COG6: variants seen among roughly 807,000 people sequenced by gnomAD.
COG6 encodes the protein component of oligomeric golgi complex 6, also known as conserved oligomeric Golgi complex subunit 6.
A neutral mutation model predicts 88.8 loss-of-function variants in COG6; 74 were observed. That is an observed-to-expected ratio of 0.83 (90% CI 0.69 to 1.01). The LOEUF (loss-of-function observed/expected upper bound fraction) is 1.01. Among genes scored for constraint, COG6 ranks in the 50% least tolerant of loss-of-function variants. The probability of loss-of-function intolerance (pLI) is 0.00; values close to 1 mark genes in which losing one functional copy is unlikely to be tolerated. For synonymous variants in COG6, 286 were observed against 278.7 expected, an observed-to-expected ratio of 1.03 and a Z score of -0.26; for missense variants, 800 against 797.9, an observed-to-expected ratio of 1.00 and a Z score of -0.03.
chr13:39,779,691 G>A (rs955264853), intron 18 of COG6, among the ~76,000 whole-genome samples: 4 of 152,094 alleles, frequency 2.6e-5, no homozygotes, highest in African/African-American at 4.8e-5. Flanking sequence ...GATTCTTAAC[G>A]TGGCTTCATT....
chr13:39,790,182 T>A (rs1252364885), exon 19 of COG6: 1 of 152,226 alleles, frequency 6.6e-6, no homozygotes, highest in Non-Finnish European at 1.5e-5. Flanking sequence ...GGTTTGAAGT[T>A]TATCTCCTTT....
rs1053673697 is a variant in COG6, at chr13:39,751,731, C to T, written c.*638C>T. 5.4e-6 allele frequency: 7 copies of T among 1,286,534 alleles called. No homozygotes were observed. In the African/African-American group the frequency reaches 1.1e-4, roughly 20 times the overall value. The allele number at this position is 1,286,534 out of a possible 1,614,324, so 79.7% of individuals were successfully genotyped here. ...TCTTATGCAATTTTAAGTATACACT[C>T]AGCAATAATTAGAAAAAAAGGAGAG... On this transcript the variant is annotated 3_prime_UTR_variant, in exon 19 of 19. Coordinates refer to ENST00000455146, the MANE Select transcript of COG6 (RefSeq NM_020751.3).
chr13:39,757,957 C>T (rs1880892293), intron 18 of COG6, among the ~76,000 whole-genome samples: 2 of 152,170 alleles, frequency 1.3e-5, no homozygotes, highest in African/African-American at 4.8e-5. Context: ...CACAGTGGCT[C>T]ATGCCTGTAA....
intron 13 of COG6, among the ~76,000 whole-genome samples, chr13:39,713,549 C>T (rs1024991190): frequency 6.6e-6 from 1 of 152,106 alleles, no homozygotes; most frequent in Non-Finnish European, 1.5e-5. Flanking sequence ...TCCTGGCTAA[C>T]AAGGTGAAAC....
intron 18 of COG6, among the ~76,000 whole-genome samples, chr13:39,778,965 C>T (rs561730228): frequency 6.6e-6 from 1 of 152,188 alleles, no homozygotes; most frequent in South Asian, 2.1e-4. Flanking sequence ...CCCTCACTTC[C>T]ACCATATGCT....
chr13:39,758,242 ATG>A lies in COG6; in HGVS notation c.1827-30092_1827-30091del, dbSNP rs1332688169. On this transcript the variant is annotated intron_variant, in intron 18 of 18. Transcript: ENST00000416691. ...TCAAAAAAAAAAAAAAAAAAAAAAA[ATG>A]ACGAGCTGGACGCGGTGGCTCATGC... 1.9e-3 allele frequency among the ~76,000 whole-genome samples: 271 copies of A among 142,478 alleles called. 1 individual carries two copies. The highest frequency in any genetic ancestry group is 6.8e-3 in the African/African-American group (254 of 37,450). The allele number at this position is 142,478 out of a possible 152,430, so 93.5% of individuals were successfully genotyped here.
At chr13:39,781,345 T>C (rs1304014615) in intron 18 of COG6, among the ~76,000 whole-genome samples, 10 of 152,160 alleles carry the variant, frequency 6.6e-5, no homozygotes, top group Non-Finnish European at 1.3e-4. Context: ...GTTGACAGGT[T>C]AGAGAAGAGA....
chr13:39,755,940 A>G (rs1284822687), downstream of COG6, among the ~76,000 whole-genome samples: 1 of 152,222 alleles, frequency 6.6e-6, no homozygotes, highest in Non-Finnish European at 1.5e-5. Flanking sequence ...AAATATAATC[A>G]CAGCTATAAA....
At chr13:39,673,331 A>C (rs1289280114) in intron 4 of COG6, among the ~76,000 whole-genome samples, 1 of 151,994 alleles carries the variant, frequency 6.6e-6, no homozygotes, top group Non-Finnish European at 1.5e-5. Context: ...ACTAAGATAA[A>C]AATTTAGAAA....
intron 13 of COG6, among the ~76,000 whole-genome samples, chr13:39,709,478 CTAT>C (rs959251774): frequency 4.6e-5 from 6 of 131,088 alleles, no homozygotes; most frequent in Non-Finnish European, 8.0e-5. Flanking sequence ...TCTCCATTGT[CTAT>C]TATTCTACTC....
Position 39,751,272 on chromosome 13 carries a change from TG to T in COG6, c.*180del. Reference sequence around the variant, plus strand: ...AGTAACAGGGAAGTAAGTAACATGTTGACCTGAGCTAGTATTGCTGTGTATC... The same window carrying T: ...AGTAACAGGGAAGTAAGTAACATGTTACCTGAGCTAGTATTGCTGTGTATC... On this transcript the variant is annotated 3_prime_UTR_variant, in exon 19 of 19. Coordinates refer to ENST00000455146, the MANE Select transcript of COG6 (RefSeq NM_020751.3). 1 of 1,514,892 alleles carries T rather than the reference TG, an allele frequency of 6.6e-7. No individual in the cohort carries two copies. Among genetic ancestry groups the T allele is most frequent in the African/African-American group, 1.4e-5 (1 of 72,606 alleles). The allele number at this position is 1,514,892 out of a possible 1,614,324, so 93.8% of individuals were successfully genotyped here. A position where few individuals can be genotyped will look rare whatever the true frequency, so the allele number is the denominator to read the frequency against.
At chr13:39,688,108 C>T (rs575901978) in intron 10 of COG6, among the ~76,000 whole-genome samples, 1 of 152,264 alleles carries the variant, frequency 6.6e-6, no homozygotes, top group Admixed American at 6.5e-5. Flanking sequence ...TTTCTCAAAT[C>T]CTCTGCATGA....
chr13:39,745,404 C>T (rs934646329), intron 18 of COG6, among the ~76,000 whole-genome samples: 1 of 151,122 alleles, frequency 6.6e-6, no homozygotes, highest in Non-Finnish European at 1.5e-5. Context: ...AGAAAAAAAA[C>T]CATCAAAAAG....
rs770910922 is a variant in COG6 at position 39,655,666 on chromosome 13, G to A, written c.-61G>A. On this transcript the variant is annotated 5_prime_UTR_variant, in exon 1 of 19. Transcript: ENST00000455146. ...GCCGATTTGCACATGCGCAATACTCGCGCTGCCTCCGTGGTCCCTGCCTGG... is the reference window on the plus strand; with the variant it reads ...GCCGATTTGCACATGCGCAATACTCACGCTGCCTCCGTGGTCCCTGCCTGG... The A allele has an allele frequency of 1.3e-6, 2 of 1,540,172 alleles. No individual in the cohort carries two copies. Among genetic ancestry groups the A allele is most frequent in the African/African-American group, 1.4e-5 (1 of 72,828 alleles).
intron 2 of COG6, 59 bp downstream of exon 2, chr13:39,659,566 T>A: frequency 6.9e-7 from 1 of 1,450,766 alleles, no homozygotes; most frequent in South Asian, 1.2e-5. Flanking sequence ...CCTGGCTCTG[T>A]GCTAAGTATT....
At chr13:39,733,724 T>C (rs777811678) in intron 18 of COG6, among the ~76,000 whole-genome samples, 19 of 152,164 alleles carry the variant, frequency 1.2e-4, no homozygotes, top group Non-Finnish European at 2.2e-4. Flanking sequence ...GCATTAGTTC[T>C]TCCTTAATTA....
intron 13 of COG6, among the ~76,000 whole-genome samples, chr13:39,713,652 C>T (rs1878365180): frequency 6.6e-6 from 1 of 152,096 alleles, no homozygotes; most frequent in South Asian, 2.1e-4. Context: ...AGGAGAATGG[C>T]ATGAACCTGG....
At chr13:39,753,554 A>C (rs574234037), downstream of COG6, among the ~76,000 whole-genome samples, 87 of 152,258 alleles carry the variant, frequency 5.7e-4, no homozygotes, top group African/African-American at 2.1e-3. Flanking sequence ...AAGAATAGAA[A>C]CTATTAGATT....
intron 18 of COG6, among the ~76,000 whole-genome samples, chr13:39,728,172 T>C (rs1302356389): frequency 6.6e-6 from 1 of 152,178 alleles, no homozygotes; most frequent in Non-Finnish European, 1.5e-5. Flanking sequence ...AAGTGTTTTC[T>C]ACATAACAGG....
Sources: gnomAD v4.1 joint callset for allele counts (sites outside exome capture counted in the v4.1 genomes callset) on GRCh38, gnomAD v4.1.1 for gene constraint, MANE v1.5 for transcripts, NCBI Gene and HGNC (gene_info 2026-07-23, HGNC 2026-07-21) for gene names.